PRRC2B: variants seen among roughly 807,000 people sequenced by gnomAD.
PRRC2B encodes protein PRRC2B.
A neutral mutation model predicts 242.3 loss-of-function variants in PRRC2B; 68 were observed. The observed-to-expected ratio is 0.28, with a 90% CI of 0.23 to 0.34. PRRC2B has a LOEUF of 0.34. Among genes scored for constraint, PRRC2B ranks in the 10% least tolerant of loss-of-function variants. The probability of loss-of-function intolerance (pLI) is 1.00; values close to 1 mark genes in which losing one functional copy is unlikely to be tolerated. For missense variants in PRRC2B, 2,835 were observed against 2,954.8 expected (o/e 0.96, Z 0.94); for synonymous variants, 1,228 against 1,173.6 (o/e 1.05, Z -0.95).
intron 1 of PRRC2B, among the ~76,000 whole-genome samples, chr9:131,400,559 C>T (rs559692565): frequency 1.3e-5 from 2 of 152,242 alleles, no homozygotes; most frequent in Admixed American, 6.5e-5. Context: ...CTCAGGTGAT[C>T]CACCTGCCTT....
chr9:131,432,678 G>A lies in PRRC2B; in HGVS notation c.177G>A (p.Pro59=), dbSNP rs1028231140. 24 of 1,613,860 alleles carry A rather than the reference G, an allele frequency of 1.5e-5. No homozygotes were observed. The highest frequency in any genetic ancestry group is 4.5e-5 in the East Asian group (2 of 44,892). Residue 59 remains proline (P), a synonymous_variant, in exon 3 of 32, where the codon CCG becomes CCA. Coordinates refer to ENST00000683519, the MANE Select transcript of PRRC2B (RefSeq NM_013318.4). ...TTGCTGCAGCCCGGCGCATGCCACC[G>A]CCTGCAAACCTGCCAAGCTTGAAGT... The part of the protein sequence containing the change: ...GKVAAARRMP[P]PANLPSLKSE...
In PRRC2B at chr9:131,473,556, G is replaced by A. The variant is rs377716225; in HGVS notation, c.2156G>A (p.Cys719Tyr). The A allele has an allele frequency of 6.8e-6, 11 of 1,610,028 alleles. No individual in the cohort carries two copies. Among genetic ancestry groups the A allele is most frequent in the Non-Finnish European group, 9.3e-6 (11 of 1,178,268 alleles). ...CAGGAGTCCCTCAATGGGACAGGCTGTCGCTCTGAGGATCAGAACTGTGTG... is the reference window on the plus strand; with the variant it reads ...CAGGAGTCCCTCAATGGGACAGGCTATCGCTCTGAGGATCAGAACTGTGTG... ...MPQESLNGTG[C>Y]RSEDQNCVPP... The change falls in exon 15 of 32, where the codon TGT becomes TAT. Residue 719 changes from cysteine (C) to tyrosine (Y), a missense_variant. This residue lies in a region of PRRC2B where 1,536 missense variants were observed against 1,483.1 expected (regional missense o/e 1.04). Coordinates refer to ENST00000683519, the MANE Select transcript of PRRC2B (RefSeq NM_013318.4).
At chr9:131,478,435 A>G in intron 17 of PRRC2B, 39 bp from the exon 18 acceptor site, 4 of 1,599,684 alleles carry the variant, frequency 2.5e-6, no homozygotes, top group Non-Finnish European at 3.4e-6. Context: ...TCTCCTGGTG[A>G]GTGGAAAGAC....
chr9:131,483,868 C>T (rs1230165321), intron 23 of PRRC2B, among the ~76,000 whole-genome samples: 2 of 152,216 alleles, frequency 1.3e-5, no homozygotes, highest in Admixed American at 6.5e-5. Flanking sequence ...CAGGAGCTGG[C>T]AGTTGCATCT....
rs777557607 is a variant in PRRC2B, at chr9:131,444,161, A to G, written c.470-24A>G. Reference sequence around the variant, plus strand: ...CTGTTGACTCCATCTCACTTCCTCCATGTCTACCCCGTCTTCTTGACAGGT... The same window carrying G: ...CTGTTGACTCCATCTCACTTCCTCCGTGTCTACCCCGTCTTCTTGACAGGT... On this transcript the variant is annotated intron_variant, in intron 5 of 31. Transcript: ENST00000683519. The G allele has an allele frequency of 3.1e-6, 5 of 1,613,298 alleles. No homozygotes were observed. The South Asian group carries it at 3.3e-5, about 11-fold the overall frequency.
At chr9:131,388,716 G>C (rs907618709) in intron 1 of PRRC2B, among the ~76,000 whole-genome samples, 2 of 149,184 alleles carry the variant, frequency 1.3e-5, no homozygotes, top group African/African-American at 4.9e-5. Flanking sequence ...GCTAATTTTT[G>C]TATTTTTAAT....
intron 1 of PRRC2B, among the ~76,000 whole-genome samples, chr9:131,410,124 C>A (rs866993602): frequency 1.3e-5 from 2 of 152,174 alleles, no homozygotes; most frequent in African/African-American, 4.8e-5. Context: ...TTCCCCACCC[C>A]CCTTGCTAAA....
chr9:131,498,765 C>T lies in PRRC2B; in HGVS notation c.*2891C>T, dbSNP rs1167561187. 1 of 152,206 alleles carries T rather than the reference C, an allele frequency of 6.6e-6. No individual in the cohort carries two copies. The highest frequency in any genetic ancestry group is 2.4e-5 in the African/African-American group (1 of 41,444). 9.4% of individuals were successfully genotyped at this position (152,206 alleles called of 1,614,324 possible). On this transcript the variant is annotated 3_prime_UTR_variant, in exon 32 of 32. Coordinates refer to ENST00000683519, the MANE Select transcript of PRRC2B (RefSeq NM_013318.4). ...CACTTTTGCCTGTTAAAGTTGCCCT[C>T]CTGACGCTGGCAGCTCTGCCTTGGT...
Position 131,447,788 on chromosome 9 carries a change from C to T in PRRC2B, c.1104C>T (p.Ala368=), listed in dbSNP as rs369341202. ...LKGLDDLDAD[A]DDGWAGLHEE... The stretch of plus-strand genomic sequence containing the variant: ...GCCTTGACGATCTGGACGCCGATGC[C>T]GATGATGGCTGGGCAGGTGGGCAGA... The change falls in exon 9 of 32, where the codon GCC becomes GCT. Residue 368 remains alanine (A), a synonymous_variant. Transcript: ENST00000683519. 6.3e-5 allele frequency: 101 copies of T among 1,612,610 alleles called. No individual in the cohort carries two copies. The highest frequency in any genetic ancestry group is 7.8e-5 in the Non-Finnish European group (92 of 1,179,076).
At chr9:131,426,510 G>A (rs552396077) in intron 1 of PRRC2B, among the ~76,000 whole-genome samples, 75 of 152,136 alleles carry the variant, frequency 4.9e-4, no homozygotes, top group Admixed American at 3.5e-3. Context: ...TATGACTTTT[G>A]GGGAGTGGGA....
rs188750762 is a variant in PRRC2B at position 131,407,942 on chromosome 9, C to A, written c.-52+13679C>A. 2.0e-5 allele frequency among the ~76,000 whole-genome samples: 3 copies of A among 152,346 alleles called. No homozygotes were observed. The East Asian group carries it at 5.8e-4, about 29-fold the overall frequency. ...TCTGCAGCTGTAATGTTTATTCGGG[C>A]AGCCCGATGGAGTATTTCCTCACCG... On this transcript the variant is annotated intron_variant, in intron 1 of 31. Coordinates refer to ENST00000683519, the MANE Select transcript of PRRC2B (RefSeq NM_013318.4).
At chr9:131,425,269 A>G (rs1207800385) in intron 1 of PRRC2B, among the ~76,000 whole-genome samples, 1 of 152,070 alleles carries the variant, frequency 6.6e-6, no homozygotes, top group Non-Finnish European at 1.5e-5. Context: ...TACAGGCGTG[A>G]GCTACCACGC....
chr9:131,436,437 G>T (rs1383154690), intron 3 of PRRC2B, among the ~76,000 whole-genome samples, 183 bp from the exon 4 acceptor site: 2 of 152,240 alleles, frequency 1.3e-5, no homozygotes, highest in Non-Finnish European at 2.9e-5. Context: ...TAGAACTTAA[G>T]CATGGTTTGT....
At position 131,375,013 on chromosome 9, in the gene PRRC2B, G is replaced by C. The variant is rs574004192; in HGVS notation, c.-56+1282G>C. On this transcript the variant is annotated intron_variant, in intron 1 of 1. Transcript: ENST00000682525. Reference sequence around the variant, plus strand: ...GGGCAATTAATGTGTAGGTAGACTGGAGACAGACTACCCAGGTTTGAGTCC... The same window carrying C: ...GGGCAATTAATGTGTAGGTAGACTGCAGACAGACTACCCAGGTTTGAGTCC... Among the ~76,000 whole-genome samples the C allele has an allele frequency of 1.2e-4, 18 of 152,256 alleles. No individual in the cohort carries two copies. In the South Asian group the frequency reaches 3.5e-3, roughly 30 times the overall value.
chr9:131,465,643 G>T (rs1336698272), intron 12 of PRRC2B, among the ~76,000 whole-genome samples: 1 of 152,176 alleles, frequency 6.6e-6, no homozygotes, highest in Non-Finnish European at 1.5e-5. Flanking sequence ...TAAAACCACA[G>T]ATCCTTTAAC....
intron 1 of PRRC2B, among the ~76,000 whole-genome samples, chr9:131,394,686 C>G (rs1240157695): frequency 6.6e-6 from 1 of 151,594 alleles, no homozygotes; most frequent in Non-Finnish European, 1.5e-5. Flanking sequence ...CTCCCCGCCC[C>G]GCCCAATTGA....
intron 5 of PRRC2B, 118 bp from the exon 6 acceptor site, chr9:131,444,067 C>G (rs1838703166): frequency 6.8e-6 from 8 of 1,171,004 alleles, no homozygotes; most frequent in Non-Finnish European, 6.1e-6. Flanking sequence ...ACCCTTGTGA[C>G]AAGACTCCCT....
chr9:131,378,309 CA>C (rs761589088), intron 1 of PRRC2B, among the ~76,000 whole-genome samples: 8,245 of 58,594 alleles, frequency 0.14, 166 homozygotes, highest in Middle Eastern at 0.18. Flanking sequence ...AACTCTGTCT[CA>C]AAAAAAAAAA....
chr9:131,432,915 G>A, intron 3 of PRRC2B, 121 bp downstream of exon 3: 1 of 940,496 alleles, frequency 1.1e-6, no homozygotes, highest in East Asian at 2.6e-5. Flanking sequence ...TGCAGTGGCA[G>A]AATTGGAACA....
Sources: allele counts gnomAD v4.1 joint callset (sites outside exome capture counted in the v4.1 genomes callset), GRCh38; gene constraint gnomAD v4.1.1; regional missense constraint gnomAD v4.1.1; transcripts MANE v1.5; gene names NCBI Gene and HGNC (gene_info 2026-07-23, HGNC 2026-07-21).